Variants in GPATCH8 observed in about 807,000 individuals in gnomAD.
GPATCH8 encodes the protein G patch domain-containing protein 8.
GPATCH8 carries 18 observed loss-of-function variants against 118.3 expected under a neutral mutation model. That is an observed-to-expected ratio of 0.15 (90% CI 0.11 to 0.23). The LOEUF (loss-of-function observed/expected upper bound fraction) is 0.23, where lower values mean the gene tolerates loss of function less well. Ranked by LOEUF, GPATCH8 falls within the 10% of genes least tolerant of loss-of-function variation. The pLI is 1.00. For synonymous variants in GPATCH8, 659 were observed against 684.7 expected (o/e 0.96, Z 0.59); for missense variants, 1,631 against 1,873.8 (o/e 0.87, Z 2.39).
In GPATCH8 at chr17:44,398,359, A is replaced by C; in HGVS notation, c.3718T>G (p.Ser1240Ala). ...SDCYPGDPTISHNYLPDPSDG... is the reference protein window; with the variant it reads ...SDCYPGDPTIAHNYLPDPSDG... Reference sequence around the variant, plus strand: ...CTGGGGTCGGGGAGGTAGTTATGGGAGATGGTTGGGTCCCCAGGGTAGCAG... The same window carrying C: ...CTGGGGTCGGGGAGGTAGTTATGGGCGATGGTTGGGTCCCCAGGGTAGCAG... Residue 1240 changes from serine (S) to alanine (A), a missense_variant, in exon 8 of 8, where the codon TCC (serine) becomes GCC (alanine). Physicochemically the swap from Ser to Ala is moderately conservative, Grantham distance 99. This residue lies in a region of GPATCH8 where 922 missense variants were observed against 879.7 expected (regional missense o/e 1.05). Transcript: ENST00000591680. 6.2e-7 allele frequency: 1 copy of C among 1,613,882 alleles called. No individual in the cohort carries two copies. The highest frequency in any genetic ancestry group is 8.5e-7 in the Non-Finnish European group (1 of 1,179,934).
chr17:44,494,454 T>C (rs1969511482), intron 1 of GPATCH8, among the ~76,000 whole-genome samples: 1 of 152,148 alleles, frequency 6.6e-6, no homozygotes, highest in African/African-American at 2.4e-5. Flanking sequence ...TAGCCGGGCA[T>C]GTTGGCATGC....
intron 5 of GPATCH8, among the ~76,000 whole-genome samples, chr17:44,429,511 T>TA (rs2050215106): frequency 6.6e-6 from 1 of 151,988 alleles, no homozygotes; most frequent in Non-Finnish European, 1.5e-5. Context: ...TATATAAAGT[T>TA]AAAAAACATG....
intron 5 of GPATCH8, among the ~76,000 whole-genome samples, chr17:44,424,724 C>T (rs373277729): frequency 6.6e-6 from 1 of 152,128 alleles, no homozygotes; most frequent in Non-Finnish European, 1.5e-5. Flanking sequence ...TAAGGATGCT[C>T]AACTGATAAG....
intron 3 of GPATCH8, among the ~76,000 whole-genome samples, chr17:44,461,798 A>G (rs1239548104): frequency 2.6e-5 from 4 of 151,924 alleles, no homozygotes; most frequent in Admixed American, 2.6e-4. Context: ...GGCTCAGGCA[A>G]TCCTCCTACC....
At chr17:44,465,263 T>C (rs758993975) in intron 2 of GPATCH8, 20 of 152,062 alleles carry the variant, frequency 1.3e-4, no homozygotes, top group Non-Finnish European at 2.4e-4. Context: ...AATGCTAAGA[T>C]GTTAGAATGA....
chr17:44,470,785 G>A (rs987228515), intron 2 of GPATCH8, among the ~76,000 whole-genome samples: 2 of 152,226 alleles, frequency 1.3e-5, no homozygotes, highest in Admixed American at 6.5e-5. Flanking sequence ...TGGGATTACA[G>A]GCGTGAGCCC....
chr17:44,456,500 G>C (rs1187427269), intron 3 of GPATCH8, among the ~76,000 whole-genome samples: 1 of 151,984 alleles, frequency 6.6e-6, no homozygotes, highest in African/African-American at 2.4e-5. Flanking sequence ...CTATTCTTTT[G>C]AATTCAAATC....
chr17:44,460,999 T>A (rs1375561723), intron 3 of GPATCH8, among the ~76,000 whole-genome samples: 2 of 152,140 alleles, frequency 1.3e-5, no homozygotes, highest in African/African-American at 4.8e-5. Flanking sequence ...ACAAACTCAA[T>A]TCTTAATGTT....
At chr17:44,462,565 CAGA>C (rs749270152) in intron 3 of GPATCH8, among the ~76,000 whole-genome samples, 4 of 152,090 alleles carry the variant, frequency 2.6e-5, no homozygotes, top group Non-Finnish European at 5.9e-5. Context: ...TCTATTTCCC[CAGA>C]AGAATAGGTT....
intron 3 of GPATCH8, among the ~76,000 whole-genome samples, chr17:44,442,720 C>T (rs1447124601): frequency 6.6e-6 from 1 of 152,226 alleles, no homozygotes; most frequent in Non-Finnish European, 1.5e-5. Flanking sequence ...TCACCTCAGC[C>T]TCCAAAGTGC....
In GPATCH8 at chr17:44,454,979, C is replaced by T. The variant is rs370216080; in HGVS notation, c.193+9493G>A. ...AGGAAACAGAGATTATAGCTACATG[C>T]TTCTTCAAATACACCAGCTCTGTGT... On this transcript the variant is annotated intron_variant, in intron 3 of 7. Transcript: ENST00000591680. Among the ~76,000 whole-genome samples, 7 of 152,176 alleles carry T rather than the reference C, an allele frequency of 4.6e-5. No individual in the cohort carries two copies. In the East Asian group the frequency reaches 1.3e-3, roughly 29 times the overall value.
chr17:44,395,774 G>A lies in GPATCH8; in HGVS notation c.*1794C>T, dbSNP rs1295254926. 4 of 454,094 alleles carry A rather than the reference G, an allele frequency of 8.8e-6. No individual in the cohort carries two copies. In the Admixed American group the frequency reaches 9.4e-5, roughly 11 times the overall value. 28.1% of individuals were successfully genotyped at this position (454,094 alleles called of 1,614,324 possible). A position where few individuals can be genotyped will look rare whatever the true frequency, so the allele number is the denominator to read the frequency against. On this transcript the variant is annotated 3_prime_UTR_variant, in exon 8 of 8. Transcript: ENST00000591680. The stretch of plus-strand genomic sequence containing the variant: ...GGCCCAGGTAAGTATGGTTTTTCTT[G>A]TCAAGTGACCAACCAACCAATTCTA...
intron 1 of GPATCH8, among the ~76,000 whole-genome samples, chr17:44,488,244 T>TA (rs1475630395): frequency 1.9e-4 from 27 of 145,172 alleles, no homozygotes; most frequent in Non-Finnish European, 3.5e-4. Context: ...TTTTTTTTTT[T>TA]AAGACAGAGT....
At chr17:44,461,319 C>T (rs2051538712) in intron 3 of GPATCH8, among the ~76,000 whole-genome samples, 1 of 151,816 alleles carries the variant, frequency 6.6e-6, no homozygotes, top group South Asian at 2.1e-4. Flanking sequence ...GTAGCTGGGA[C>T]TATAGGTGTG....
At chr17:44,482,008 G>A (rs1463212095) in intron 1 of GPATCH8, among the ~76,000 whole-genome samples, 1 of 151,974 alleles carries the variant, frequency 6.6e-6, no homozygotes, top group Admixed American at 6.6e-5. Context: ...TGATATCCAG[G>A]TCCTCAGGAA....
chr17:44,450,181 C>T (rs1295520448), intron 3 of GPATCH8, among the ~76,000 whole-genome samples: 5 of 152,162 alleles, frequency 3.3e-5, no homozygotes, highest in Non-Finnish European at 5.9e-5. Flanking sequence ...TAGTAACTTG[C>T]GGTTCAAATA....
intron 1 of GPATCH8, among the ~76,000 whole-genome samples, chr17:44,480,733 C>T (rs1039130297): frequency 2.7e-5 from 4 of 146,286 alleles, no homozygotes; most frequent in East Asian, 4.0e-4. Context: ...TAGCTGGGTA[C>T]GATGACAGGC....
At chr17:44,448,651 C>T (rs1229056648) in intron 3 of GPATCH8, among the ~76,000 whole-genome samples, 1 of 151,812 alleles carries the variant, frequency 6.6e-6, no homozygotes, top group Non-Finnish European at 1.5e-5. Context: ...TTCCTGGACA[C>T]TCCACTCTCT....
intron 6 of GPATCH8, among the ~76,000 whole-genome samples, chr17:44,406,366 G>A (rs980811194): frequency 1.3e-5 from 2 of 151,888 alleles, no homozygotes; most frequent in Non-Finnish European, 2.9e-5. Context: ...TGCTCCTCCA[G>A]GATGCAAAAC....
Sources: allele counts gnomAD v4.1 joint callset (sites outside exome capture counted in the v4.1 genomes callset), GRCh38; gene constraint gnomAD v4.1.1; regional missense constraint gnomAD v4.1.1; transcripts MANE v1.5; gene names NCBI Gene and HGNC (gene_info 2026-07-23, HGNC 2026-07-21).